The following LARGE1 variants were observed in gnomAD, a reference collection of about 807,000 sequenced individuals.
The protein encoded by LARGE1 is xylosyl- and glucuronyltransferase LARGE1.
A neutral mutation model predicts 87.6 loss-of-function variants in LARGE1; 43 were observed. The ratio of observed to expected loss-of-function variants is 0.49; its 90% CI spans 0.38 to 0.63. The LOEUF is 0.63. LARGE1 is among the 30% of genes least tolerant of loss of function. The pLI is 0.00. For missense variants in LARGE1, 802 were observed against 1,000.2 expected (o/e 0.80, Z 2.67); for synonymous variants, 434 against 394.6 (o/e 1.10, Z -1.18).
chr22:33,246,636 A>G (rs1288304071), intron 11 of LARGE1, among the ~76,000 whole-genome samples: 1 of 152,170 alleles, frequency 6.6e-6, no homozygotes, highest in Admixed American at 6.5e-5. Flanking sequence ...CCAGAGCGAG[A>G]CTCCATCTAA....
the LARGE1 span, among the ~76,000 whole-genome samples, chr22:33,154,452 C>A: frequency 1.3e-5 from 2 of 152,256 alleles, no homozygotes; most frequent in South Asian, 2.1e-4. Flanking sequence ...ATTGGCCAGG[C>A]TGGTCTCGAA....
rs571562812 is a variant in LARGE1, at chr22:33,627,802, G to A, written c.409-1476C>T. Among the ~76,000 whole-genome samples, 8 of 152,246 alleles carry A rather than the reference G, an allele frequency of 5.3e-5. No individual in the cohort carries two copies. The South Asian group carries it at 1.0e-3, about 20-fold the overall frequency. On this transcript the variant is annotated intron_variant, in intron 3 of 14. Coordinates refer to ENST00000397394, the MANE Select transcript of LARGE1 (RefSeq NM_133642.5). ...CAACTTGGACACCTATTCCCAGTAC[G>A]AGAAACTTGACCTTGGCTTCATATA...
intron 1 of LARGE1, among the ~76,000 whole-genome samples, chr22:33,776,077 C>A (rs1028488698): frequency 6.6e-6 from 1 of 152,142 alleles, no homozygotes; most frequent in Admixed American, 6.5e-5. Flanking sequence ...ATGTTTCAAC[C>A]AAGCACATGC....
intron 10 of LARGE1, 102 bp downstream of exon 10, chr22:33,337,544 A>G: frequency 1.4e-6 from 2 of 1,399,374 alleles, no homozygotes; most frequent in Non-Finnish European, 2.0e-6. Context: ...GTGTTCACCT[A>G]GGTCCTGCCA....
At chr22:33,541,252 A>G (rs2077199961) in intron 6 of LARGE1, among the ~76,000 whole-genome samples, 1 of 151,946 alleles carries the variant, frequency 6.6e-6, no homozygotes, top group Admixed American at 6.6e-5. Context: ...TGGATCACCA[A>G]GATTACGGAG....
intron 3 of LARGE1, among the ~76,000 whole-genome samples, chr22:33,626,975 C>T (rs1266461690): frequency 1.3e-5 from 2 of 152,160 alleles, no homozygotes; most frequent in East Asian, 3.9e-4. Flanking sequence ...GCCATTTAAG[C>T]GTCATGACAT....
chr22:33,192,846 A>G (rs1419303166), intron 11 of LARGE1, among the ~76,000 whole-genome samples: 1 of 152,124 alleles, frequency 6.6e-6, no homozygotes, highest in African/African-American at 2.4e-5. Context: ...ATTTTTGTGT[A>G]TGGGGTGAGA....
At chr22:33,551,886 T>C (rs369110244) in intron 6 of LARGE1, among the ~76,000 whole-genome samples, 70 of 147,706 alleles carry the variant, frequency 4.7e-4, no homozygotes, top group African/African-American at 1.6e-3. Context: ...CCCAGCTACT[T>C]GGGAGGCTGA....
intron 2 of LARGE1, among the ~76,000 whole-genome samples, chr22:33,743,614 G>A (rs1035569943): frequency 6.6e-6 from 1 of 152,118 alleles, no homozygotes; most frequent in Admixed American, 6.5e-5. Flanking sequence ...CCGGTGATCT[G>A]GCCTAAATTC....
At chr22:33,689,462 A>T (rs1177533174) in intron 2 of LARGE1, among the ~76,000 whole-genome samples, 1 of 152,224 alleles carries the variant, frequency 6.6e-6, no homozygotes, top group Admixed American at 6.5e-5. Context: ...CCAAACAGGC[A>T]AGGAACAGGG....
intron 6 of LARGE1, among the ~76,000 whole-genome samples, chr22:33,555,930 C>A (rs78212700): frequency 3.9e-3 from 489 of 124,098 alleles, no homozygotes; most frequent in African/African-American, 4.2e-3. Flanking sequence ...GACTCCATCT[C>A]AAAAAAAAAA....
intron 11 of LARGE1, among the ~76,000 whole-genome samples, chr22:33,211,554 C>T (rs1875506328): frequency 6.6e-6 from 1 of 152,084 alleles, no homozygotes; most frequent in African/African-American, 2.4e-5. Context: ...GATGGATCAC[C>T]TGAGGTCAGG....
At chr22:33,566,889 C>G (rs2078043976) in intron 5 of LARGE1, among the ~76,000 whole-genome samples, 1 of 152,148 alleles carries the variant, frequency 6.6e-6, no homozygotes, top group South Asian at 2.1e-4. Flanking sequence ...AAAAGTTCTC[C>G]AAGTCCCCAT....
At chr22:33,854,311 A>C (rs1227253718) in intron 1 of LARGE1, among the ~76,000 whole-genome samples, 1 of 152,040 alleles carries the variant, frequency 6.6e-6, no homozygotes, top group African/African-American at 2.4e-5. Flanking sequence ...AAATTCTAAA[A>C]TAAAAGTGAC....
intron 1 of LARGE1, among the ~76,000 whole-genome samples, chr22:33,916,604 C>A (rs953388160): frequency 6.6e-6 from 1 of 152,162 alleles, no homozygotes; most frequent in African/African-American, 2.4e-5. Context: ...GCTGTATCCC[C>A]GAGGTGTGTC....
intron 1 of LARGE1, among the ~76,000 whole-genome samples, chr22:33,875,105 T>A (rs2064422859): frequency 1.3e-5 from 2 of 152,222 alleles, no homozygotes; most frequent in South Asian, 4.1e-4. Context: ...ACTAGGATTA[T>A]AATAAATATT....
intron 2 of LARGE1, among the ~76,000 whole-genome samples, chr22:33,760,328 C>T (rs116162093): frequency 1.8e-3 from 274 of 152,218 alleles, no homozygotes; most frequent in African/African-American, 6.3e-3. Flanking sequence ...TCTTGCTGTT[C>T]CCACTGATTT....
At chr22:33,220,880 G>C (rs1353807355) in intron 11 of LARGE1, among the ~76,000 whole-genome samples, 1 of 152,122 alleles carries the variant, frequency 6.6e-6, no homozygotes, top group Non-Finnish European at 1.5e-5. Flanking sequence ...GTAATCCCTT[G>C]CTATGCAGGG....
intron 2 of LARGE1, among the ~76,000 whole-genome samples, chr22:33,712,752 A>T (rs947003758): frequency 6.6e-6 from 1 of 151,940 alleles, no homozygotes; most frequent in African/African-American, 2.4e-5. Context: ...GTCTCTAAAA[A>T]AGAAAGCAGA....
Sources: allele counts gnomAD v4.1 joint callset (sites outside exome capture counted in the v4.1 genomes callset), GRCh38; gene constraint gnomAD v4.1.1; transcripts MANE v1.5; gene names NCBI Gene and HGNC (gene_info 2026-07-23, HGNC 2026-07-21).